Variants in COL4A3 observed in about 807,000 individuals in gnomAD.
The protein encoded by COL4A3 is collagen alpha-3(IV) chain.
A neutral mutation model predicts 217.4 loss-of-function variants in COL4A3; 135 were observed. The ratio of observed to expected loss-of-function variants is 0.62; its 90% CI spans 0.54 to 0.72. COL4A3 has a LOEUF of 0.72. COL4A3 is among the 30% of genes least tolerant of loss of function. The probability of loss-of-function intolerance (pLI) is 0.00; values close to 1 mark genes in which losing one functional copy is unlikely to be tolerated. For synonymous variants in COL4A3, 690 were observed against 736.3 expected, an observed-to-expected ratio of 0.94 and a Z score of 1.02; for missense variants, 1,868 against 2,119.9, an observed-to-expected ratio of 0.88 and a Z score of 2.33.
rs1211141485 is a variant in COL4A3, at chr2:227,261,133, T to C, written c.1150+16T>C. 1.9e-6 allele frequency: 3 copies of C among 1,606,228 alleles called. No homozygotes were observed. Among genetic ancestry groups the C allele is most frequent in the African/African-American group, 1.3e-5 (1 of 74,872 alleles). On this transcript the variant is annotated intron_variant, in intron 20 of 51. Coordinates refer to ENST00000396578, the MANE Select transcript of COL4A3 (RefSeq NM_000091.5). ...GGAAGTCCTGGTATGTCCATGTTTC[T>C]TGGGGTACAAATAGAAATGCTATTA...
chr2:227,309,217 G>A lies in COL4A3; in HGVS notation c.4654G>A (p.Glu1552Lys). 6.2e-7 allele frequency: 1 copy of A among 1,614,180 alleles called. No individual in the cohort carries two copies. The highest frequency in any genetic ancestry group is 8.5e-7 in the Non-Finnish European group (1 of 1,180,022). Reference sequence around the variant, plus strand: ...TTCATGTTACAGATGCACTGTTTGTGAAGGTCCTGCGATCGCCATAGCCGT... The same window carrying A: ...TTCATGTTACAGATGCACTGTTTGTAAAGGTCCTGCGATCGCCATAGCCGT... The part of the protein sequence containing the change: ...EPYISRCTVC[E>K]GPAIAIAVHS... The change falls in exon 50 of 52, where the codon GAA becomes AAA. Residue 1552 changes from glutamate to lysine, a missense_variant. Coordinates refer to ENST00000396578, the MANE Select transcript of COL4A3 (RefSeq NM_000091.5).
intron 28 of COL4A3, 92 bp from the exon 29 acceptor site, chr2:227,279,701 A>G (rs888334961): frequency 5.9e-6 from 5 of 846,950 alleles, no homozygotes; most frequent in African/African-American, 3.5e-5. Context: ...TCATAAAAGC[A>G]TCTCTAGCTG....
rs1248629476 is a variant in COL4A3 at position 227,164,907 on chromosome 2, G to A, written c.87+94G>A. 7.4e-7 allele frequency: 1 copy of A among 1,354,578 alleles called. No homozygotes were observed. The highest frequency in any genetic ancestry group is 9.6e-7 in the Non-Finnish European group (1 of 1,046,906). The allele number at this position is 1,354,578 out of a possible 1,614,324, so 83.9% of individuals were successfully genotyped here. A position where few individuals can be genotyped will look rare whatever the true frequency, so the allele number is the denominator to read the frequency against. The stretch of plus-strand genomic sequence containing the variant: ...TGGCCCCACCCGCAGCGGCGCGGTA[G>A]TGGAGCGGCTGCCGGGCTAGTGGCG... On this transcript the variant is annotated intron_variant, in intron 1 of 51. Transcript: ENST00000396578. This position sits in a 1 kb window ranked among gnomAD's most constrained non-coding sequence, Gnocchi z 4.8.
At chr2:227,245,018 A>C in intron 5 of COL4A3, 23 bp downstream of exon 5, 1 of 1,608,334 alleles carries the variant, frequency 6.2e-7, no homozygotes, top group Non-Finnish European at 8.5e-7. Context: ...AAAAATCCGT[A>C]GCTAGAAAAT....
chr2:227,261,102 G>T lies in COL4A3; in HGVS notation c.1135G>T (p.Val379Phe). 6.2e-7 allele frequency: 1 copy of T among 1,612,024 alleles called. No individual in the cohort carries two copies. The highest frequency in any genetic ancestry group is 8.5e-7 in the Non-Finnish European group (1 of 1,178,086). Residue 379 changes from valine (V) to phenylalanine (F), a missense_variant, in exon 20 of 52, where the codon GTT (valine) becomes TTT (phenylalanine). This residue lies in a region of COL4A3 where 1,503 missense variants were observed against 1,786.1 expected (regional missense o/e 0.84). Coordinates refer to ENST00000396578, the MANE Select transcript of COL4A3 (RefSeq NM_000091.5). Reference protein sequence around the residue: ...GPQGPSGPPGVPGSPGSSRPG... With the variant: ...GPQGPSGPPGFPGSPGSSRPG... ...CCCAGGTCCCAGTGGTCCCCCCGGA[G>T]TTCCTGGAAGTCCTGGTATGTCCAT...
chr2:227,186,153 G>C (rs977103233), intron 1 of COL4A3, among the ~76,000 whole-genome samples: 1 of 152,206 alleles, frequency 6.6e-6, no homozygotes, highest in South Asian at 2.1e-4. Context: ...GGTGTTTGGA[G>C]AACGGGAGAT....
intron 1 of COL4A3, among the ~76,000 whole-genome samples, chr2:227,177,882 A>G (rs1577033470): frequency 6.6e-6 from 1 of 152,076 alleles, no homozygotes; most frequent in East Asian, 1.9e-4. Context: ...AATAGCTCTT[A>G]CTTTACTTAG....
At position 227,266,405 on chromosome 2, in the gene COL4A3, G is replaced by A. The variant is rs1000024851; in HGVS notation, c.1316-12G>A. ...CAAATAAAAAATTGTCTTTGGTGCT[G>A]TATTTTTATAGGTGACATCGTTTTT... On this transcript the variant is annotated splice_polypyrimidine_tract_variant and intron_variant, in intron 21 of 51. Coordinates refer to ENST00000396578, the MANE Select transcript of COL4A3 (RefSeq NM_000091.5). The A allele has an allele frequency of 6.2e-7, 1 of 1,607,128 alleles. No homozygotes were observed. Among genetic ancestry groups the A allele is most frequent in the Non-Finnish European group, 8.5e-7 (1 of 1,173,768 alleles).
intron 1 of COL4A3, among the ~76,000 whole-genome samples, chr2:227,208,562 C>T (rs1054438996): frequency 3.9e-5 from 6 of 152,136 alleles, no homozygotes; most frequent in Admixed American, 2.0e-4. Flanking sequence ...GCTCTCCCCA[C>T]TTCCCAAGCC....
chr2:227,214,276 T>C (rs2067442714), intron 1 of COL4A3, among the ~76,000 whole-genome samples: 2 of 152,220 alleles, frequency 1.3e-5, no homozygotes, highest in South Asian at 4.1e-4. Context: ...ATACCTTTTC[T>C]CCATTTAAAG....
intron 8 of COL4A3, 108 bp from the exon 9 acceptor site, chr2:227,248,335 A>G (rs756992000): frequency 7.7e-6 from 6 of 779,920 alleles, no homozygotes; most frequent in Non-Finnish European, 7.0e-6. Flanking sequence ...TGAGTACATA[A>G]CTTGAAAAGC....
rs1359174544 is a variant in COL4A3 at position 227,308,190 on chromosome 2, T to TTTA, written c.4462+273_4462+275dup. ...AAACTCCCTAAACCACCTGTCTGCA[T>TTTA]TTATCTTTTTGGTGCTTTTTCTTTT... On this transcript the variant is annotated intron_variant, in intron 48 of 51. Transcript: ENST00000396578. Among the ~76,000 whole-genome samples, 5 of 152,238 alleles carry TTTA rather than the reference T, an allele frequency of 3.3e-5. No homozygotes were observed. In the East Asian group the frequency reaches 7.7e-4, roughly 23 times the overall value.
At chr2:227,181,410 A>G (rs1408059001) in intron 1 of COL4A3, among the ~76,000 whole-genome samples, 1 of 152,216 alleles carries the variant, frequency 6.6e-6, no homozygotes, top group African/African-American at 2.4e-5. Context: ...AATCCTTGTG[A>G]AGTTTCAAAA....
intron 1 of COL4A3, among the ~76,000 whole-genome samples, chr2:227,212,924 T>C (rs963235614): frequency 6.6e-6 from 1 of 152,226 alleles, no homozygotes; most frequent in Admixed American, 6.5e-5. Flanking sequence ...TCTTGACTAA[T>C]TGGAGACTAT....
intron 21 of COL4A3, chr2:227,264,932 T>TA (rs1379142102): frequency 2.0e-5 from 3 of 152,286 alleles, no homozygotes; most frequent in Non-Finnish European, 4.4e-5. Context: ...CCATCTGTCC[T>TA]TCAGACTTCA....
At chr2:227,186,125 G>GC (rs2066023530) in intron 1 of COL4A3, among the ~76,000 whole-genome samples, 1 of 152,118 alleles carries the variant, frequency 6.6e-6, no homozygotes, top group Non-Finnish European at 1.5e-5. Context: ...CTAAAGATTT[G>GC]CCCCCCACCC....
chr2:227,175,528 T>C (rs1407999638), intron 1 of COL4A3, among the ~76,000 whole-genome samples: 1 of 151,922 alleles, frequency 6.6e-6, no homozygotes, highest in Admixed American at 6.6e-5. Context: ...AGAAATAACA[T>C]GAAATTTTAA....
chr2:227,258,223 G>A (rs1169219524), intron 18 of COL4A3, among the ~76,000 whole-genome samples: 1 of 152,222 alleles, frequency 6.6e-6, no homozygotes, highest in African/African-American at 2.4e-5. Flanking sequence ...AAAAACAGTG[G>A]TTCTCACATT....
At chr2:227,260,063 A>G in intron 19 of COL4A3, 186 bp downstream of exon 19, 1 of 749,850 alleles carries the variant, frequency 1.3e-6, no homozygotes, top group Non-Finnish European at 2.4e-6. Context: ...TAGGTTGTAT[A>G]CCAGGAAGGT....
Sources: allele counts gnomAD v4.1 joint callset (sites outside exome capture counted in the v4.1 genomes callset), GRCh38; gene constraint gnomAD v4.1.1; regional missense constraint gnomAD v4.1.1; non-coding constraint Gnocchi (gnomAD v3.1); transcripts MANE v1.5; gene names NCBI Gene and HGNC (gene_info 2026-07-23, HGNC 2026-07-21).